Variants in GAK observed in about 807,000 individuals in gnomAD.
GAK encodes cyclin G associated kinase, also known as cyclin-G-associated kinase.
In GAK, 79 loss-of-function variants were observed where a neutral mutation model predicts 143.9. That is an observed-to-expected ratio of 0.55 (90% CI 0.46 to 0.66). The LOEUF is 0.66. Among genes scored for constraint, GAK ranks in the 30% least tolerant of loss-of-function variants. The pLI is 0.00. For synonymous variants in GAK, 881 were observed against 765.5 expected (o/e 1.15, Z -2.49); for missense variants, 1,693 against 1,779.7 (o/e 0.95, Z 0.88).
chr4:887,307 C>T (rs573902951), intron 11 of GAK: 7 of 148,384 alleles, frequency 4.7e-5, no homozygotes, highest in African/African-American at 1.7e-4. Context: ...CGCACTCACA[C>T]GTGTACACAT....
At position 851,080 on chromosome 4, in the gene GAK, T is replaced by C; in HGVS notation, c.3513A>G (p.Gln1171=). Residue 1171 remains glutamine, a synonymous_variant, in exon 26 of 28, where the codon CAA becomes CAG. Coordinates refer to ENST00000314167, the MANE Select transcript of GAK (RefSeq NM_005255.4). ...ERGVRAPSFA[Q]KPKVSENDFE... ...AGTCGTTCTCAGAGACTTTTGGCTT[T>C]TGAGCTAGAAAAGAACAGAAACTTT... The C allele has an allele frequency of 1.2e-6, 2 of 1,613,274 alleles. No homozygotes were observed. The highest frequency in any genetic ancestry group is 1.7e-6 in the Non-Finnish European group (2 of 1,179,572).
At position 853,393 on chromosome 4, in the gene GAK, G is replaced by C. The variant is rs375865716; in HGVS notation, c.3284-1419C>G. 7 of 152,302 alleles carry C rather than the reference G, an allele frequency of 4.6e-5. No homozygotes were observed. The East Asian group carries it at 5.8e-4, about 13-fold the overall frequency. The allele number at this position is 152,302 out of a possible 1,614,324, so 9.4% of individuals were successfully genotyped here. Reference sequence around the variant, plus strand: ...TCTCTGGGATAAATGTCCCACGGTAGCTCAGTAGCTGTGTGTTTAGCTTCG... The same window carrying C: ...TCTCTGGGATAAATGTCCCACGGTACCTCAGTAGCTGTGTGTTTAGCTTCG... On this transcript the variant is annotated intron_variant, in intron 24 of 27. Transcript: ENST00000314167.
chr4:911,494 C>T lies in GAK; in HGVS notation c.382+179G>A, dbSNP rs555582905. On this transcript the variant is annotated intron_variant, in intron 4 of 27. Coordinates refer to ENST00000314167, the MANE Select transcript of GAK (RefSeq NM_005255.4). The stretch of plus-strand genomic sequence containing the variant: ...CCGGGACAGTGGGAAGCTCACTGGG[C>T]GTCAGCGTGGGCCTCTCACAGAACT... Among the ~76,000 whole-genome samples, 4 of 151,710 alleles carry T rather than the reference C, an allele frequency of 2.6e-5. No homozygotes were observed. The East Asian group carries it at 5.9e-4, about 22-fold the overall frequency.
At chr4:854,917 T>C (rs964233719) in intron 24 of GAK, among the ~76,000 whole-genome samples, 8 of 152,026 alleles carry the variant, frequency 5.3e-5, no homozygotes, top group Admixed American at 1.3e-4. Context: ...TGGTGGCGGG[T>C]GCCTGTAGTC....
intron 1 of GAK, among the ~76,000 whole-genome samples, chr4:914,349 C>T (rs1419140316): frequency 2.5e-5 from 3 of 119,146 alleles, no homozygotes; most frequent in Non-Finnish European, 3.4e-5. Context: ...CACACAAACA[C>T]AGCCCCAGCG....
Position 895,524 on chromosome 4 carries a change from T to G in GAK, c.741+936A>C, listed in dbSNP as rs78417068. Among the ~76,000 whole-genome samples, 154 of 152,296 alleles carry G rather than the reference T, an allele frequency of 1.0e-3. 8 individuals are homozygous for G. In the East Asian group the frequency reaches 0.02, roughly 19 times the overall value. ...GGGCCTCAGCCTACAGCCCACATAC[T>G]GTCTCAGCCTGCAGCCCCACGTGCT... On this transcript the variant is annotated intron_variant, in intron 7 of 27. Coordinates refer to ENST00000314167, the MANE Select transcript of GAK (RefSeq NM_005255.4).
Position 932,026 on chromosome 4 carries a change from C to G in GAK, c.145+17G>C. On this transcript the variant is annotated intron_variant, in intron 1 of 27. Transcript: ENST00000314167. The surrounding 1 kb of genome is among the most constrained non-coding windows in gnomAD (Gnocchi z 4.0). ...ACACTCCGCGGCCGCACCCGCGCTG[C>G]CGACCCGGGGCCTCACCTTCGGCCA... The G allele has an allele frequency of 6.4e-7, 1 of 1,552,360 alleles. No individual in the cohort carries two copies. The highest frequency in any genetic ancestry group is 8.8e-7 in the Non-Finnish European group (1 of 1,140,722).
Position 893,496 on chromosome 4 carries a change from C to G in GAK, c.878-7G>C. 1.3e-6 allele frequency: 2 copies of G among 1,558,428 alleles called. No individual in the cohort carries two copies. Among genetic ancestry groups the G allele is most frequent in the Non-Finnish European group, 8.6e-7 (1 of 1,156,122 alleles). On this transcript the variant is annotated splice_polypyrimidine_tract_variant and splice_region_variant and intron_variant, in intron 8 of 27. Coordinates refer to ENST00000314167, the MANE Select transcript of GAK (RefSeq NM_005255.4). Reference sequence around the variant, plus strand: ...TTCACCTGCAGCATGGCGCCTGCAGCAGAAGCACAGCGCGCTCGGCCCCAC... The same window carrying G: ...TTCACCTGCAGCATGGCGCCTGCAGGAGAAGCACAGCGCGCTCGGCCCCAC...
At chr4:859,800 T>C in intron 23 of GAK, 78 bp from the exon 24 acceptor site, 3 of 1,012,578 alleles carry the variant, frequency 3.0e-6, no homozygotes, top group Non-Finnish European at 4.4e-6. Flanking sequence ...CGATGGCGCC[T>C]CCTTACGACA....
chr4:884,688 C>T (rs1186367664), intron 11 of GAK, among the ~76,000 whole-genome samples: 1 of 152,244 alleles, frequency 6.6e-6, no homozygotes, highest in East Asian at 1.9e-4. Flanking sequence ...TCTGCAAGGA[C>T]CCTGACAGGT....
chr4:895,060 A>C (rs1473488260), intron 7 of GAK, among the ~76,000 whole-genome samples: 1 of 152,208 alleles, frequency 6.6e-6, no homozygotes, highest in African/African-American at 2.4e-5. Context: ...CATGCACTGA[A>C]GATCTATGAG....
intron 4 of GAK, among the ~76,000 whole-genome samples, chr4:910,568 C>T (rs1181321009): frequency 2.0e-5 from 3 of 152,150 alleles, no homozygotes; most frequent in African/African-American, 7.2e-5. Flanking sequence ...CCTACCTGTC[C>T]CTTCAGGCCT....
intron 20 of GAK, 87 bp downstream of exon 20, chr4:868,452 C>A: frequency 6.9e-7 from 1 of 1,443,252 alleles, no homozygotes; most frequent in East Asian, 2.4e-5. Context: ...GGAGGCCCGT[C>A]TCCCAAGACG....
intron 18 of GAK, among the ~76,000 whole-genome samples, chr4:875,822 A>C (rs990284949): frequency 1.3e-5 from 2 of 152,212 alleles, no homozygotes; most frequent in Non-Finnish European, 2.9e-5. Context: ...CAGATCTGTA[A>C]TCCCAGCTAC....
At chr4:871,925 G>A (rs1232772415) in intron 18 of GAK, among the ~76,000 whole-genome samples, 4 of 152,134 alleles carry the variant, frequency 2.6e-5, no homozygotes, top group South Asian at 2.1e-4. Context: ...CTTATTTTAC[G>A]CCACCTAAAA....
Position 866,431 on chromosome 4 carries a change from G to A in GAK, c.2976C>T (p.Val992=), listed in dbSNP as rs200268987. ...GEFLNSDSVT[V]PPSFPSAHSA... is the part of the protein sequence containing the mutation. ...TGTGGGCAGACGGGAAGGATGGTGG[G>A]ACGGTCACAGAGTCCGAATTGAGAA... Residue 992 remains valine, a synonymous_variant, in exon 22 of 28, where the codon GTC becomes GTT. Coordinates refer to ENST00000314167, the MANE Select transcript of GAK (RefSeq NM_005255.4). 3.7e-6 allele frequency: 6 copies of A among 1,614,042 alleles called. No homozygotes were observed. Among genetic ancestry groups the A allele is most frequent in the African/African-American group, 2.7e-5 (2 of 74,940 alleles).
At chr4:850,805 G>T in intron 26 of GAK, 131 bp downstream of exon 26, 1 of 1,004,184 alleles carries the variant, frequency 1.0e-6, no homozygotes, top group Non-Finnish European at 1.4e-6. Flanking sequence ...CCGGCTCCAT[G>T]TGGTACAGCA....
chr4:920,304 T>A (rs1723703855), intron 1 of GAK, among the ~76,000 whole-genome samples: 2 of 142,558 alleles, frequency 1.4e-5, no homozygotes, highest in African/African-American at 2.6e-5. Context: ...CAAAAGTCCA[T>A]CTCAAAAAAA....
intron 5 of GAK, among the ~76,000 whole-genome samples, chr4:901,943 T>TA (rs764294208): frequency 1.3e-4 from 20 of 152,222 alleles, no homozygotes; most frequent in Non-Finnish European, 2.8e-4. Context: ...CAAAACCACA[T>TA]AAAAAATGTC....
Sources: gnomAD v4.1 joint callset for allele counts (sites outside exome capture counted in the v4.1 genomes callset) on GRCh38, gnomAD v4.1.1 for gene constraint, Gnocchi (gnomAD v3.1) non-coding constraint, MANE v1.5 for transcripts, NCBI Gene and HGNC (gene_info 2026-07-23, HGNC 2026-07-21) for gene names.